The following NLN variants were observed in gnomAD, a reference collection of about 807,000 sequenced individuals.
The protein encoded by NLN is neurolysin, also known as neurolysin, mitochondrial.
In NLN, 64 loss-of-function variants were observed where a neutral mutation model predicts 79.9. The observed-to-expected ratio is 0.80, with a 90% CI of 0.65 to 0.99. NLN has a LOEUF of 0.99. Ranked by LOEUF, NLN falls within the 50% of genes least tolerant of loss-of-function variation. The pLI is 0.00. For missense variants in NLN, 835 were observed against 858.7 expected (o/e 0.97, Z 0.34); for synonymous variants, 267 against 296.6 (o/e 0.90, Z 1.02).
intron 1 of NLN, among the ~76,000 whole-genome samples, chr5:65,754,278 G>GA (rs896157126): frequency 3.9e-5 from 6 of 152,250 alleles, no homozygotes; most frequent in Middle Eastern, 3.4e-3. Context: ...TCGTAAATCA[G>GA]ATTCTGCTCA....
chr5:65,816,993 C>G (rs949993190), intron 12 of NLN, among the ~76,000 whole-genome samples: 12 of 152,082 alleles, frequency 7.9e-5, no homozygotes, highest in Admixed American at 7.2e-4. Flanking sequence ...TGTGTCCAGG[C>G]CTTCCTTCTC....
rs1386043973 is a variant in NLN, at chr5:65,753,172, A to T, written c.42-5395A>T. Among the ~76,000 whole-genome samples, 5 of 152,358 alleles carry T rather than the reference A, an allele frequency of 3.3e-5. No individual in the cohort carries two copies. In the South Asian group the frequency reaches 1.0e-3, roughly 32 times the overall value. On this transcript the variant is annotated intron_variant, in intron 1 of 12. Coordinates refer to ENST00000380985, the MANE Select transcript of NLN (RefSeq NM_020726.5). ...TGATAATTACACAATGTATACATGT[A>T]TTGAAACATCGCACTGTATCCTATA...
rs546866420 is a variant in NLN at position 65,797,574 on chromosome 5, T to C, written c.1527+4919T>C. Among the ~76,000 whole-genome samples the C allele has an allele frequency of 5.3e-5, 8 of 152,336 alleles. No individual in the cohort carries two copies. The South Asian group carries it at 1.7e-3, about 32-fold the overall frequency. ...ACAGTTATTTAAACTCTTTGAACCA[T>C]CTCATTTTTCTTATTCAGAAAATGG... On this transcript the variant is annotated intron_variant, in intron 9 of 12. Transcript: ENST00000380985.
At chr5:65,776,005 C>A (rs564227968) in intron 3 of NLN, among the ~76,000 whole-genome samples, 1 of 152,368 alleles carries the variant, frequency 6.6e-6, no homozygotes, top group Admixed American at 6.5e-5. Context: ...GCAATCCCAG[C>A]ACTTTGGGAG....
At chr5:65,795,144 AG>A (rs1445651462) in intron 9 of NLN, among the ~76,000 whole-genome samples, 11 of 151,756 alleles carry the variant, frequency 7.2e-5, no homozygotes, top group African/African-American at 2.7e-4. Flanking sequence ...CTTTGACCCT[AG>A]GGGTTCAAGA....
chr5:65,811,819 C>T lies in NLN; in HGVS notation c.1844-436C>T, dbSNP rs1385018537. ...CTTGGGCAACAGAGTGAAACTCTGTCTCAAAAAAAAGTTCTTTTTCAGTAA... is the reference window on the plus strand; with the variant it reads ...CTTGGGCAACAGAGTGAAACTCTGTTTCAAAAAAAAGTTCTTTTTCAGTAA... On this transcript the variant is annotated intron_variant, in intron 11 of 12. Coordinates refer to ENST00000380985, the MANE Select transcript of NLN (RefSeq NM_020726.5). Among the ~76,000 whole-genome samples the T allele has an allele frequency of 3.9e-5, 6 of 151,918 alleles. No individual in the cohort carries two copies. In the East Asian group the frequency reaches 7.7e-4, roughly 20 times the overall value.
At chr5:65,739,045 A>T (rs115699527) in intron 1 of NLN, among the ~76,000 whole-genome samples, 2,166 of 91,216 alleles carry the variant, frequency 0.024, 446 homozygotes, top group African/African-American at 0.044. Flanking sequence ...ATATATAAAA[A>T]ATATATATAA....
intron 8 of NLN, 87 bp downstream of exon 8, chr5:65,788,571 C>A (rs898671116): frequency 2.2e-6 from 3 of 1,348,860 alleles, no homozygotes; most frequent in Non-Finnish European, 3.1e-6. Context: ...CACAGTGGCT[C>A]ATGCCTGTAA....
chr5:65,722,398 G>A lies in NLN; in HGVS notation c.25G>A (p.Val9Met). 1 of 1,591,188 alleles carries A rather than the reference G, an allele frequency of 6.3e-7. No homozygotes were observed. Among genetic ancestry groups the A allele is most frequent in the Non-Finnish European group, 8.5e-7 (1 of 1,170,264 alleles). Residue 9 changes from valine (V) to methionine (M), a missense_variant, in exon 1 of 13, where the codon GTG (valine) becomes ATG (methionine). Val to Met is a conservative substitution (Grantham distance 21). Coordinates refer to ENST00000380985, the MANE Select transcript of NLN (RefSeq NM_020726.5). ...CATGATCGCCCGGTGCCTTTTGGCT[G>A]TGCGAAGCCTCCGCAGGTACCTCCA... Reference protein sequence around the residue: MIARCLLAVRSLRRVGGSR... With the variant: MIARCLLAMRSLRRVGGSR...
At chr5:65,728,653 G>A (rs1309704295) in intron 1 of NLN, among the ~76,000 whole-genome samples, 1 of 152,108 alleles carries the variant, frequency 6.6e-6, no homozygotes, top group Admixed American at 6.6e-5. Context: ...AGTTTGATAA[G>A]TGGAAATTTC....
chr5:65,769,510 C>T (rs1244639374), intron 3 of NLN, among the ~76,000 whole-genome samples: 1 of 152,088 alleles, frequency 6.6e-6, no homozygotes, highest in Non-Finnish European at 1.5e-5. Context: ...TTCATGTGCC[C>T]CATAAATGTA....
At chr5:65,794,699 A>C (rs911801008) in intron 9 of NLN, among the ~76,000 whole-genome samples, 1 of 152,166 alleles carries the variant, frequency 6.6e-6, no homozygotes, top group Non-Finnish European at 1.5e-5. Context: ...TGAATAGTCC[A>C]GCAGGGGGTA....
intron 1 of NLN, among the ~76,000 whole-genome samples, chr5:65,738,832 C>T (rs1448799942): frequency 6.0e-5 from 9 of 149,758 alleles, no homozygotes; most frequent in Middle Eastern, 3.4e-3. Flanking sequence ...TCTCAGCTCA[C>T]TGCAACCTCT....
chr5:65,814,883 T>G (rs13354640), intron 12 of NLN, among the ~76,000 whole-genome samples: 97 of 152,312 alleles, frequency 6.4e-4, no homozygotes, highest in African/African-American at 2.3e-3. Flanking sequence ...AAATATTTTA[T>G]ACCATACAAT....
intron 9 of NLN, among the ~76,000 whole-genome samples, chr5:65,799,808 C>T (rs1760244752): frequency 6.6e-6 from 1 of 152,146 alleles, no homozygotes; most frequent in African/African-American, 2.4e-5. Context: ...GATGTCAACA[C>T]ATTATCTTTA....
rs571720565 is a variant in NLN at position 65,785,783 on chromosome 5, C to T, written c.831C>T (p.Thr277=). The change falls in exon 7 of 13, where the codon ACC becomes ACT. Residue 277 remains threonine, a synonymous_variant. Transcript: ENST00000380985. ...CTGTTGTTTATTACTAGGAAAACAC[C>T]ATAATTTTGCAGCAGCTACTCCCAC... The part of the protein sequence containing the change: ...AFNTRCKEEN[T]IILQQLLPLR... The T allele has an allele frequency of 2.4e-5, 39 of 1,613,054 alleles. 1 individual carries two copies. In the South Asian group the frequency reaches 4.1e-4, roughly 17 times the overall value.
intron 1 of NLN, among the ~76,000 whole-genome samples, chr5:65,731,557 G>T (rs1471183214): frequency 6.6e-6 from 1 of 151,928 alleles, no homozygotes; most frequent in Non-Finnish European, 1.5e-5. Context: ...AGTTGTTTTT[G>T]ATCTTTGAAC....
Position 65,762,954 on chromosome 5 carries a change from C to G in NLN, c.302-6C>G, listed in dbSNP as rs769041777. On this transcript the variant is annotated splice_polypyrimidine_tract_variant and splice_region_variant and intron_variant, in intron 2 of 12. Coordinates refer to ENST00000380985, the MANE Select transcript of NLN (RefSeq NM_020726.5). ...GTGTGGTGATAGTTTTTTTCTCCAT[C>G]TGCAGTGGAAAGGACCATGCTAGAC... is the stretch of plus-strand genomic sequence containing the variant. 11 of 1,612,014 alleles carry G rather than the reference C, an allele frequency of 6.8e-6. No homozygotes were observed. The Admixed American group carries it at 1.8e-4, about 27-fold the overall frequency.
intron 4 of NLN, among the ~76,000 whole-genome samples, chr5:65,777,973 A>G (rs1442710881): frequency 6.6e-6 from 1 of 152,164 alleles, no homozygotes; most frequent in African/African-American, 2.4e-5. Context: ...ACCTTGTACA[A>G]GTTTTATTTA....
Sources: allele counts gnomAD v4.1 joint callset (sites outside exome capture counted in the v4.1 genomes callset), GRCh38; gene constraint gnomAD v4.1.1; transcripts MANE v1.5; gene names NCBI Gene and HGNC (gene_info 2026-07-23, HGNC 2026-07-21).